Variants in ANKDD1A observed in about 807,000 individuals in gnomAD.
ANKDD1A encodes the protein ankyrin repeat and death domain-containing protein 1A.
In ANKDD1A, 59 loss-of-function variants were observed where a neutral mutation model predicts 63.5. That is an observed-to-expected ratio of 0.93 (90% CI 0.75 to 1.15). The LOEUF (loss-of-function observed/expected upper bound fraction) is 1.15. ANKDD1A is among the 50% of genes most tolerant of loss of function. The pLI is 0.00. For missense variants in ANKDD1A, 632 were observed against 656.4 expected (o/e 0.96, Z 0.41); for synonymous variants, 266 against 263.9 (o/e 1.01, Z -0.08).
At chr15:64,944,824 C>A in intron 12 of ANKDD1A, 77 bp downstream of exon 12, 1 of 1,469,436 alleles carries the variant, frequency 6.8e-7, no homozygotes, top group African/African-American at 1.4e-5. Flanking sequence ...GGCTTTGAAC[C>A]CTAGGCCTGA....
rs2085010400 is a variant in ANKDD1A at position 64,921,991 on chromosome 15, CAG to C, written c.339_340del (p.Ala115GlnfsTer5). ...CGAATCCTCCAGATCTTGGTAAACT[CAG>C]GGGCCAAGATCCACTGTGAGAGCAA... is the stretch of plus-strand genomic sequence containing the variant. On this transcript the variant is annotated frameshift_variant, in exon 4 of 15. Coordinates refer to ENST00000319580, the MANE Select transcript of ANKDD1A (RefSeq NM_182703.6). LOFTEE classifies it high-confidence loss of function. 3 of 1,614,088 alleles carry C rather than the reference CAG, an allele frequency of 1.9e-6. No individual in the cohort carries two copies. The highest frequency in any genetic ancestry group is 2.5e-6 in the Non-Finnish European group (3 of 1,180,038).
intron 14 of ANKDD1A, among the ~76,000 whole-genome samples, chr15:64,954,374 C>A (rs1408827499): frequency 6.9e-4 from 10 of 14,484 alleles, no homozygotes; most frequent in Non-Finnish European, 4.5e-3. Flanking sequence ...CTTCTTCTTC[C>A]TTTTCTTTTC....
At position 64,944,834 on chromosome 15, in the gene ANKDD1A, A is replaced by C. The variant is rs2085211107; in HGVS notation, c.1161+87A>C. ...GAGCTGGCTTTGAACCCTAGGCCTG[A>C]CCAATTCTGGGTCCCTCAGTCTCCA... On this transcript the variant is annotated intron_variant, in intron 12 of 14. Transcript: ENST00000319580. The C allele has an allele frequency of 3.0e-6, 4 of 1,337,460 alleles. No individual in the cohort carries two copies. The South Asian group carries it at 5.4e-5, about 18-fold the overall frequency. 82.8% of individuals were successfully genotyped at this position (1,337,460 alleles called of 1,614,324 possible).
In ANKDD1A at chr15:64,915,946, C is replaced by T. The variant is rs372344458; in HGVS notation, c.138+46C>T. 8.9e-4 allele frequency: 1,393 copies of T among 1,564,244 alleles called. 13 individuals are homozygous for T. In the South Asian group the frequency reaches 0.015, roughly 17 times the overall value. Reference sequence around the variant, plus strand: ...AATCCAGGCACCTGGGATAGTGTCACGATAATGCCAGTACACAGGGGGAAT... The same window carrying T: ...AATCCAGGCACCTGGGATAGTGTCATGATAATGCCAGTACACAGGGGGAAT... On this transcript the variant is annotated intron_variant, in intron 2 of 14. Transcript: ENST00000319580.
intron 9 of ANKDD1A, among the ~76,000 whole-genome samples, chr15:64,941,663 A>T (rs1359948875): frequency 2.6e-5 from 4 of 152,160 alleles, no homozygotes; most frequent in Admixed American, 6.5e-5. Context: ...ATACATGAGG[A>T]TGTTTTCTAC....
At chr15:64,953,872 C>CG (rs797036121) in intron 14 of ANKDD1A, among the ~76,000 whole-genome samples, 68,843 of 125,770 alleles carry the variant, frequency 0.55, 19,767 homozygotes, top group East Asian at 0.85. Flanking sequence ...CCTCTTTCTT[C>CG]TTCATTCTTT....
In ANKDD1A at chr15:64,952,892, CCTTCTCCTTCCTTCTCTT is replaced by C. The variant is rs1441729870; in HGVS notation, c.1483+2931_1483+2948del. On this transcript the variant is annotated intron_variant, in intron 14 of 14. Coordinates refer to ENST00000319580, the MANE Select transcript of ANKDD1A (RefSeq NM_182703.6). ...TCTTCTCTTTCTTCTTCTCCTTCTT[CCTTCTCCTTCCTTCTCTT>C]CTTCTCCTTCTTCTTAGTTCTTCTT... Among the ~76,000 whole-genome samples the C allele has an allele frequency of 1.6e-3, 159 of 97,886 alleles. 3 individuals are homozygous for C. In the South Asian group the frequency reaches 0.059, roughly 36 times the overall value. 64.2% of individuals were successfully genotyped at this position (97,886 alleles called of 152,430 possible). A position where few individuals can be genotyped will look rare whatever the true frequency, so the allele number is the denominator to read the frequency against.
In ANKDD1A at chr15:64,930,827, G is replaced by A; in HGVS notation, c.576G>A (p.Gly192=). The A allele has an allele frequency of 3.1e-6, 5 of 1,612,456 alleles. No individual in the cohort carries two copies. The highest frequency in any genetic ancestry group is 4.2e-6 in the Non-Finnish European group (5 of 1,179,830). The change falls in exon 7 of 15, where the codon GGG becomes GGA. Residue 192 remains glycine (G), a synonymous_variant. Transcript: ENST00000319580. ...AGGAGCCCTTTTTCCTGCAGGAGGG[G>A]AACACTGCCCTTCATCTGGCTGCTG... ...GCDHNVKDKE[G]NTALHLAAGR... is the part of the protein sequence containing the mutation.
chr15:64,927,093 C>A, intron 6 of ANKDD1A, 94 bp downstream of exon 6: 2 of 1,328,620 alleles, frequency 1.5e-6, no homozygotes, highest in Non-Finnish European at 2.2e-6. Context: ...CGTCTGACTC[C>A]GATTGCGCTG....
chr15:64,913,001 G>A (rs1400646748), intron 1 of ANKDD1A, among the ~76,000 whole-genome samples: 1 of 152,198 alleles, frequency 6.6e-6, no homozygotes. Context: ...TATTGGATGT[G>A]GCCAGAAAGA....
intron 9 of ANKDD1A, among the ~76,000 whole-genome samples, chr15:64,936,669 G>A (rs996027147): frequency 7.2e-5 from 11 of 151,840 alleles, no homozygotes; most frequent in South Asian, 2.1e-4. Context: ...TGAGACCCCC[G>A]TATCTACAAA....
At chr15:64,917,294 T>A in intron 2 of ANKDD1A, 92 bp from the exon 3 acceptor site, 3 of 1,439,990 alleles carry the variant, frequency 2.1e-6, no homozygotes, top group East Asian at 5.0e-5. Context: ...CCTTCCAGCC[T>A]GCAGACCAGC....
intron 12 of ANKDD1A, among the ~76,000 whole-genome samples, chr15:64,946,818 T>C (rs563242947): frequency 6.6e-6 from 1 of 152,328 alleles, no homozygotes; most frequent in South Asian, 2.1e-4. Context: ...GGATGATTTT[T>C]TTCACCCTGA....
chr15:64,945,847 T>C (rs2085219103), intron 12 of ANKDD1A, among the ~76,000 whole-genome samples: 2 of 151,430 alleles, frequency 1.3e-5, no homozygotes, highest in South Asian at 4.2e-4. Flanking sequence ...TTGGCCAGGA[T>C]GGTCTCAATC....
intron 1 of ANKDD1A, 133 bp from the exon 2 acceptor site, chr15:64,915,664 C>A: frequency 1.5e-6 from 1 of 684,094 alleles, no homozygotes; most frequent in Non-Finnish European, 2.5e-6. Flanking sequence ...AGGGCTGTGC[C>A]GCTCTGCCCC....
chr15:64,947,608 C>G lies in ANKDD1A; in HGVS notation c.1351+15C>G. 1 of 1,612,150 alleles carries G rather than the reference C, an allele frequency of 6.2e-7. No homozygotes were observed. Among genetic ancestry groups the G allele is most frequent in the Non-Finnish European group, 8.5e-7 (1 of 1,179,092 alleles). On this transcript the variant is annotated intron_variant, in intron 13 of 14. Transcript: ENST00000319580. Reference sequence around the variant, plus strand: ...ACAGTGGACAGGTACCACCTTGCCTCTCCTCGCCCTAAGCAACCATTGGGC... The same window carrying G: ...ACAGTGGACAGGTACCACCTTGCCTGTCCTCGCCCTAAGCAACCATTGGGC...
intron 14 of ANKDD1A, chr15:64,951,282 T>TTCTTCTTC (rs1248816347): frequency 1.1e-6 from 1 of 908,028 alleles, no homozygotes; most frequent in African/African-American, 2.7e-5. Context: ...TCTTCTTCTT[T>TTCTTCTTC]TTCTTTTCTT....
At chr15:64,951,588 T>C (rs1340503681) in intron 14 of ANKDD1A, among the ~76,000 whole-genome samples, 62 of 107,282 alleles carry the variant, frequency 5.8e-4, no homozygotes, top group East Asian at 1.9e-3. Context: ...TCTTCTTCCT[T>C]TTCTTTCTTC....
In ANKDD1A at chr15:64,947,388, G is replaced by A; in HGVS notation, c.1162-16G>A. On this transcript the variant is annotated splice_polypyrimidine_tract_variant and intron_variant, in intron 12 of 14. Coordinates refer to ENST00000319580, the MANE Select transcript of ANKDD1A (RefSeq NM_182703.6). Reference sequence around the variant, plus strand: ...CATGAGGGAGAGCTTCTGCACTTTTGGGATCTGCCCCACAGGACCACCCCA... The same window carrying A: ...CATGAGGGAGAGCTTCTGCACTTTTAGGATCTGCCCCACAGGACCACCCCA... The A allele has an allele frequency of 6.2e-7, 1 of 1,605,626 alleles. No individual in the cohort carries two copies. Among genetic ancestry groups the A allele is most frequent in the East Asian group, 2.2e-5 (1 of 44,668 alleles).
Sources: gnomAD v4.1 joint callset for allele counts (sites outside exome capture counted in the v4.1 genomes callset) on GRCh38, gnomAD v4.1.1 for gene constraint, MANE v1.5 for transcripts, NCBI Gene and HGNC (gene_info 2026-07-23, HGNC 2026-07-21) for gene names.